The following PPARGC1A variants were observed in gnomAD, a reference collection of about 807,000 sequenced individuals.
PPARGC1A encodes the protein peroxisome proliferator-activated receptor gamma coactivator 1-alpha.
A neutral mutation model predicts 88.7 loss-of-function variants in PPARGC1A; 25 were observed. That is an observed-to-expected ratio of 0.28 (90% CI 0.21 to 0.39). PPARGC1A has a LOEUF of 0.39. Among genes scored for constraint, PPARGC1A ranks in the 10% least tolerant of loss-of-function variants. PPARGC1A has a pLI of 1.00. For missense variants in PPARGC1A, 880 were observed against 968.7 expected (o/e 0.91, Z 1.22); for synonymous variants, 363 against 355.6 (o/e 1.02, Z -0.24).
chr4:24,437,654 T>G, the PPARGC1A span, among the ~76,000 whole-genome samples: 45 of 150,936 alleles, frequency 3.0e-4, no homozygotes, highest in South Asian at 4.0e-3. Flanking sequence ...TTTGGTTTTT[T>G]GGGGGTTTTT....
At chr4:24,394,159 G>A in the PPARGC1A span, among the ~76,000 whole-genome samples, 1 of 152,176 alleles carries the variant, frequency 6.6e-6, no homozygotes, top group South Asian at 2.1e-4. Flanking sequence ...TCCCCCATAT[G>A]CAACTAAGAA....
At chr4:24,383,960 T>C in the PPARGC1A span, among the ~76,000 whole-genome samples, 2 of 152,166 alleles carry the variant, frequency 1.3e-5, no homozygotes, top group African/African-American at 4.8e-5. Context: ...GAAAAAATGT[T>C]AAGGGCAGCC....
chr4:24,394,739 T>G, the PPARGC1A span, among the ~76,000 whole-genome samples: 1 of 152,194 alleles, frequency 6.6e-6, no homozygotes, highest in Non-Finnish European at 1.5e-5. Context: ...AATTGTGAGA[T>G]GCACCATTAT....
the PPARGC1A span, among the ~76,000 whole-genome samples, chr4:24,462,247 G>A: frequency 2.1e-4 from 24 of 115,094 alleles, no homozygotes; most frequent in East Asian, 1.0e-3. Context: ...CACCGCACCC[G>A]GCTAAATTTT....
chr4:24,048,727 G>A, the PPARGC1A span, among the ~76,000 whole-genome samples: 1 of 152,098 alleles, frequency 6.6e-6, no homozygotes, highest in African/African-American at 2.4e-5. Flanking sequence ...ATTTTGCTTA[G>A]CTATTCTTAT....
At chr4:24,198,133 A>T in the PPARGC1A span, among the ~76,000 whole-genome samples, 1 of 152,224 alleles carries the variant, frequency 6.6e-6, no homozygotes, top group African/African-American at 2.4e-5. Flanking sequence ...CTATCTAAGC[A>T]TGTAAGCAAA....
the PPARGC1A span, among the ~76,000 whole-genome samples, chr4:24,030,667 C>T: frequency 1.3e-5 from 2 of 152,204 alleles, no homozygotes; most frequent in African/African-American, 4.8e-5. Flanking sequence ...CAACTCTCAT[C>T]AGCCTTCCTT....
chr4:24,216,854 G>A, the PPARGC1A span, among the ~76,000 whole-genome samples: 1 of 152,104 alleles, frequency 6.6e-6, no homozygotes, highest in Admixed American at 6.5e-5. Flanking sequence ...CTCAAGACCT[G>A]GTTTTGGAAC....
intron 5 of PPARGC1A, 39 bp from the exon 6 acceptor site, chr4:23,824,547 G>A: frequency 2.0e-6 from 3 of 1,503,508 alleles, no homozygotes; most frequent in Admixed American, 1.9e-5. Flanking sequence ...GTAATATTGA[G>A]TGTCTTTTAG....
At chr4:23,856,730 A>T (rs1351456670) in intron 2 of PPARGC1A, among the ~76,000 whole-genome samples, 1 of 152,050 alleles carries the variant, frequency 6.6e-6, no homozygotes, top group East Asian at 1.9e-4. Context: ...CCCCTCCCTC[A>T]TGGAATTTAC....
chr4:24,425,946 T>A, the PPARGC1A span, among the ~76,000 whole-genome samples: 1 of 152,360 alleles, frequency 6.6e-6, no homozygotes, highest in South Asian at 2.1e-4. Flanking sequence ...AATTACTCTA[T>A]GGTGTTTTAT....
chr4:24,349,715 G>A, the PPARGC1A span, among the ~76,000 whole-genome samples: 10 of 152,100 alleles, frequency 6.6e-5, no homozygotes, highest in African/African-American at 2.2e-4. Context: ...AAACTTACCC[G>A]AAGCTATCTG....
At chr4:24,079,010 CT>C in the PPARGC1A span, among the ~76,000 whole-genome samples, 1 of 152,010 alleles carries the variant, frequency 6.6e-6, no homozygotes, top group Non-Finnish European at 1.5e-5. Flanking sequence ...ATTTGAACGG[CT>C]TTCTCATAGT....
the PPARGC1A span, among the ~76,000 whole-genome samples, chr4:23,977,503 T>C: frequency 6.6e-6 from 1 of 152,230 alleles, no homozygotes; most frequent in Non-Finnish European, 1.5e-5. Context: ...CTATCTTATA[T>C]AGGGCTACAA....
the PPARGC1A span, among the ~76,000 whole-genome samples, chr4:24,245,108 T>G: frequency 1.3e-5 from 2 of 152,316 alleles, no homozygotes; most frequent in Admixed American, 1.3e-4. Context: ...TCGCATTACA[T>G]GGAAATCAGT....
chr4:24,429,651 A>ATTTTT, the PPARGC1A span, among the ~76,000 whole-genome samples: 5 of 132,240 alleles, frequency 3.8e-5, no homozygotes, highest in Non-Finnish European at 6.4e-5. Context: ...GACAGTGAGA[A>ATTTTT]TTTTTTTTTT....
chr4:24,343,506 A>T, the PPARGC1A span, among the ~76,000 whole-genome samples: 1 of 152,166 alleles, frequency 6.6e-6, no homozygotes, highest in African/African-American at 2.4e-5. Context: ...TTTACTAAAC[A>T]TCGAACCTGC....
chr4:24,006,755 G>A, the PPARGC1A span, among the ~76,000 whole-genome samples: 1 of 152,034 alleles, frequency 6.6e-6, no homozygotes, highest in South Asian at 2.1e-4. Flanking sequence ...AGGATCTCGT[G>A]TGTAGCTAGA....
At chr4:24,381,570 C>T in the PPARGC1A span, among the ~76,000 whole-genome samples, 4 of 152,200 alleles carry the variant, frequency 2.6e-5, no homozygotes, top group South Asian at 6.2e-4. Context: ...TCAGCATTAT[C>T]TAGCTAAAAC....
Sources: gnomAD v4.1 joint callset for allele counts (sites outside exome capture counted in the v4.1 genomes callset) on GRCh38, gnomAD v4.1.1 for gene constraint, MANE v1.5 for transcripts, NCBI Gene and HGNC (gene_info 2026-07-23, HGNC 2026-07-21) for gene names.